The following ZNF804B variants were observed in gnomAD, a reference collection of about 807,000 sequenced individuals.
ZNF804B encodes the protein zinc finger 804B.
A neutral mutation model predicts 101.4 loss-of-function variants in ZNF804B; 80 were observed. That is an observed-to-expected ratio of 0.79 (90% confidence interval 0.66 to 0.95). The LOEUF (loss-of-function observed/expected upper bound fraction) is 0.95, where lower values mean the gene tolerates loss of function less well. Ranked by LOEUF, ZNF804B falls within the 40% of genes least tolerant of loss-of-function variation. The pLI is 0.00. For synonymous variants in ZNF804B, 622 were observed against 558.8 expected (o/e 1.11, Z -1.59); for missense variants, 1,673 against 1,561.9 (o/e 1.07, Z -1.20).
chr7:89,307,368 CAGTT>C (rs1312499437), intron 2 of ZNF804B, among the ~76,000 whole-genome samples: 1 of 151,952 alleles, frequency 6.6e-6, no homozygotes, highest in Admixed American at 6.6e-5. Flanking sequence ...ATTATTAAGT[CAGTT>C]AAACACTATC....
intron 1 of ZNF804B, among the ~76,000 whole-genome samples, chr7:89,007,444 TTTTATATATATATATATATATATA>T (rs1170125516): frequency 1.0e-4 from 5 of 47,706 alleles, no homozygotes; most frequent in African/African-American, 5.0e-4. Context: ...TTATCCATGA[TTTTATATATATATATATATATATA>T]TATATATATA....
At chr7:88,909,995 A>G (rs975411197) in intron 1 of ZNF804B, among the ~76,000 whole-genome samples, 2 of 151,886 alleles carry the variant, frequency 1.3e-5, no homozygotes, top group South Asian at 2.1e-4. Flanking sequence ...GTTTGAATGT[A>G]TATTTGCTTA....
In ZNF804B at chr7:88,928,422, A is replaced by G. The variant is rs571351222; in HGVS notation, c.108+168338A>G. Among the ~76,000 whole-genome samples, 9 of 152,282 alleles carry G rather than the reference A, an allele frequency of 5.9e-5. No homozygotes were observed. The South Asian group carries it at 1.2e-3, about 21-fold the overall frequency. On this transcript the variant is annotated intron_variant, in intron 1 of 3. Coordinates refer to ENST00000333190, the MANE Select transcript of ZNF804B (RefSeq NM_181646.5). The stretch of plus-strand genomic sequence containing the variant: ...AAGTATTTTTAGCTACCAGCTGTGC[A>G]AGCAATAAGTAAGAGACTTTGAAGT...
At chr7:89,284,222 G>A (rs1169389600) in intron 2 of ZNF804B, among the ~76,000 whole-genome samples, 1 of 152,172 alleles carries the variant, frequency 6.6e-6, no homozygotes, top group East Asian at 1.9e-4. Flanking sequence ...CACAAATATT[G>A]TAAGTATCCA....
intron 1 of ZNF804B, among the ~76,000 whole-genome samples, chr7:89,129,193 C>T (rs1026821627): frequency 6.6e-6 from 1 of 151,882 alleles, no homozygotes; most frequent in Non-Finnish European, 1.5e-5. Context: ...CGTTCAGTGC[C>T]CCCTCCTCCA....
At chr7:89,119,705 CAT>C (rs1562889453) in intron 1 of ZNF804B, among the ~76,000 whole-genome samples, 1 of 152,284 alleles carries the variant, frequency 6.6e-6, no homozygotes, top group East Asian at 1.9e-4. Context: ...GAACATAAAA[CAT>C]AGCACCTGGC....
intron 2 of ZNF804B, among the ~76,000 whole-genome samples, chr7:89,293,705 C>T (rs1191452334): frequency 1.3e-5 from 2 of 151,728 alleles, no homozygotes; most frequent in Non-Finnish European, 2.9e-5. Context: ...AGGAGAATGG[C>T]GTGAACCCAG....
At chr7:89,270,303 C>G (rs553920243) in intron 2 of ZNF804B, among the ~76,000 whole-genome samples, 5 of 152,170 alleles carry the variant, frequency 3.3e-5, no homozygotes, top group African/African-American at 1.2e-4. Context: ...GTTTCCCCAG[C>G]ACCATTTATT....
At chr7:88,967,616 C>T (rs967239948) in intron 1 of ZNF804B, among the ~76,000 whole-genome samples, 1 of 149,236 alleles carries the variant, frequency 6.7e-6, no homozygotes, top group African/African-American at 2.5e-5. Flanking sequence ...AATAGTAAAA[C>T]ACCGTGGGGA....
At chr7:89,310,483 T>C (rs547721044) in intron 2 of ZNF804B, among the ~76,000 whole-genome samples, 1 of 152,320 alleles carries the variant, frequency 6.6e-6, no homozygotes, top group East Asian at 1.9e-4. Context: ...CTCTTCCTGC[T>C]TCTATTTTAA....
rs1166748007 is a variant in ZNF804B, at chr7:89,321,781, C to G, written c.250-5563C>G. Among the ~76,000 whole-genome samples the G allele has an allele frequency of 4.0e-5, 6 of 151,300 alleles. No homozygotes were observed. The South Asian group carries it at 1.2e-3, about 32-fold the overall frequency. On this transcript the variant is annotated intron_variant, in intron 2 of 3. Transcript: ENST00000333190. ...GAAAAAAATCCTGAATGAATAAAAACACAAGATCCAAATAAATGGCTTTTA... is the reference window on the plus strand; with the variant it reads ...GAAAAAAATCCTGAATGAATAAAAAGACAAGATCCAAATAAATGGCTTTTA...
chr7:89,253,584 C>A (rs1463511773), intron 2 of ZNF804B, among the ~76,000 whole-genome samples: 1 of 152,072 alleles, frequency 6.6e-6, no homozygotes, highest in Non-Finnish European at 1.5e-5. Context: ...ACTGAAATTT[C>A]TTTTAAAATC....
chr7:89,023,020 A>T (rs979750271), intron 1 of ZNF804B, among the ~76,000 whole-genome samples: 2 of 152,190 alleles, frequency 1.3e-5, no homozygotes. Flanking sequence ...AGCCTGACCC[A>T]TACTTCTGAT....
intron 1 of ZNF804B, among the ~76,000 whole-genome samples, chr7:88,982,024 C>T (rs373081948): frequency 2.6e-5 from 4 of 151,964 alleles, no homozygotes; most frequent in East Asian, 1.9e-4. Context: ...TTTTTATTCT[C>T]GGGAGGATGA....
At chr7:88,761,459 T>A (rs1381362902) in intron 1 of ZNF804B, among the ~76,000 whole-genome samples, 1 of 152,202 alleles carries the variant, frequency 6.6e-6, no homozygotes, top group Non-Finnish European at 1.5e-5. Flanking sequence ...CAGGTCTGAA[T>A]CTTTCCCATT....
chr7:89,016,491 A>T (rs1788561318), intron 1 of ZNF804B, among the ~76,000 whole-genome samples: 1 of 151,624 alleles, frequency 6.6e-6, no homozygotes, highest in Admixed American at 6.6e-5. Flanking sequence ...TAAGTCTTTA[A>T]TCCATCTTGA....
At chr7:88,998,897 G>T (rs1289142031) in intron 1 of ZNF804B, among the ~76,000 whole-genome samples, 1 of 151,868 alleles carries the variant, frequency 6.6e-6, no homozygotes, top group Non-Finnish European at 1.5e-5. Flanking sequence ...AGTAAAATAG[G>T]GCAAAAGGCT....
chr7:89,238,119 G>A (rs1437415239), intron 2 of ZNF804B, among the ~76,000 whole-genome samples: 1 of 152,110 alleles, frequency 6.6e-6, no homozygotes, highest in Non-Finnish European at 1.5e-5. Flanking sequence ...AGTAGGCAAA[G>A]TGGAATTAGA....
At position 89,336,566 on chromosome 7, in the gene ZNF804B, T is replaced by A. The variant is rs1416704209; in HGVS notation, c.3584T>A (p.Val1195Glu). 2 of 1,614,094 alleles carry A rather than the reference T, an allele frequency of 1.2e-6. No homozygotes were observed. The highest frequency in any genetic ancestry group is 3.3e-5 in the Admixed American group (2 of 59,976). ...ACTGCCTTCTCTCCGGCCTCAACCG[T>A]ACAGACAGTTCCAGTTCACCAGCAC... ...GPTAFSPAST[V>E]QTVPVHQHTS... The change falls in exon 4 of 4, where the codon GTA (valine) becomes GAA (glutamate). Residue 1195 changes from valine (V) to glutamate (E), a missense_variant. Physicochemically the swap from Val to Glu is moderately radical, Grantham distance 121 (BLOSUM62 -2). Transcript: ENST00000333190.
Sources: allele counts gnomAD v4.1 joint callset (sites outside exome capture counted in the v4.1 genomes callset), GRCh38; gene constraint gnomAD v4.1.1; transcripts MANE v1.5; gene names NCBI Gene and HGNC (gene_info 2026-07-23, HGNC 2026-07-21).